NLRP5: variants seen among roughly 807,000 people sequenced by gnomAD.
NLRP5 encodes NACHT, LRR and PYD domains-containing protein 5.
In NLRP5, 93 loss-of-function variants were observed where a neutral mutation model predicts 113.1. The ratio of observed to expected loss-of-function variants is 0.82; its 90% CI spans 0.70 to 0.98. The LOEUF (loss-of-function observed/expected upper bound fraction) is 0.98. Among genes scored for constraint, NLRP5 ranks in the 50% least tolerant of loss-of-function variants. NLRP5 has a pLI of 0.00. For synonymous variants in NLRP5, 751 were observed against 600.7 expected, an observed-to-expected ratio of 1.25 and a Z score of -3.66; for missense variants, 1,808 against 1,514.3, an observed-to-expected ratio of 1.19 and a Z score of -3.22.
chr19:56,022,997 A>G (rs1390891920), intron 6 of NLRP5, among the ~76,000 whole-genome samples: 1 of 152,188 alleles, frequency 6.6e-6, no homozygotes, highest in Non-Finnish European at 1.5e-5. Context: ...AAGTGCTGGG[A>G]TTACAGGCGT....
intron 3 of NLRP5, among the ~76,000 whole-genome samples, chr19:56,015,387 G>T (rs1982365570): frequency 6.6e-6 from 1 of 152,060 alleles, no homozygotes; most frequent in African/African-American, 2.4e-5. Context: ...GTAGAGACGG[G>T]GTTTCACCAT....
chr19:56,007,891 G>GTGCA (rs1378365492), intron 2 of NLRP5, among the ~76,000 whole-genome samples: 1 of 39,762 alleles, frequency 2.5e-5, no homozygotes, highest in Admixed American at 3.0e-4. Context: ...GTGTGTGTGC[G>GTGCA]CGTGCGCGCG....
At chr19:56,043,863 C>CT (rs1343256581) in intron 11 of NLRP5, among the ~76,000 whole-genome samples, 1 of 151,300 alleles carries the variant, frequency 6.6e-6, no homozygotes, top group Non-Finnish European at 1.5e-5. Flanking sequence ...AGGCGTGAGC[C>CT]ACCACGCCTG....
At chr19:56,011,466 G>C (rs1297691453) in intron 3 of NLRP5, among the ~76,000 whole-genome samples, 1 of 152,012 alleles carries the variant, frequency 6.6e-6, no homozygotes, top group African/African-American at 2.4e-5. Flanking sequence ...ACTTTCAATG[G>C]GTGAATTGTA....
intron 3 of NLRP5, among the ~76,000 whole-genome samples, chr19:56,010,825 C>A (rs62120416): frequency 0.38 from 55,703 of 146,256 alleles, 10,863 homozygotes; most frequent in Admixed American, 0.42. Flanking sequence ...CAAATGTGGT[C>A]CATGTATACA....
At chr19:55,994,017 CTA>C in the NLRP5 span, among the ~76,000 whole-genome samples, 1 of 151,820 alleles carries the variant, frequency 6.6e-6, no homozygotes, top group African/African-American at 2.4e-5. Flanking sequence ...GGGTATTAAT[CTA>C]TTTTCAGTTC....
chr19:56,024,222 G>A (rs1982724152), intron 6 of NLRP5, among the ~76,000 whole-genome samples: 1 of 151,082 alleles, frequency 6.6e-6, no homozygotes, highest in East Asian at 1.9e-4. Flanking sequence ...TATCAGGTGG[G>A]CCGGGCACAG....
chr19:55,988,421 CATAAAT>C, the NLRP5 span: 1 of 104,776 alleles, frequency 9.5e-6, no homozygotes, highest in Admixed American at 1.1e-4. Context: ...TACATATACA[CATAAAT>C]ATATATATGT....
rs11301032 is a variant in NLRP5, at chr19:56,037,693, CAAAAAAAAAA to C, written c.2616-320_2616-311del. Among the ~76,000 whole-genome samples, 140 of 87,718 alleles carry C rather than the reference CAAAAAAAAAA, an allele frequency of 1.6e-3. 2 individuals are homozygous for C. Among genetic ancestry groups the C allele is most frequent in the African/African-American group, 5.5e-3 (128 of 23,082 alleles). 57.5% of individuals were successfully genotyped at this position (87,718 alleles called of 152,430 possible). ...GGGTGACAAGAGCAAGACCCTGTCT[CAAAAAAAAAA>C]AAAAAAAAAAATGTTGGCTGGGGTG... On this transcript the variant is annotated intron_variant, in intron 9 of 14. Coordinates refer to ENST00000390649, the MANE Select transcript of NLRP5 (RefSeq NM_153447.4).
chr19:56,028,113 A>AT lies in NLRP5; in HGVS notation c.1881dup (p.Ile628TyrfsTer50). 1 of 1,614,002 alleles carries AT rather than the reference A, an allele frequency of 6.2e-7. No individual in the cohort carries two copies. The highest frequency in any genetic ancestry group is 1.6e-4 in the Middle Eastern group (1 of 6,062). ...ATGGAGCTTAAACAGGCAGGCTTCC[A>AT]TATCCACTCGCTTTGGATGAAGCGT... On this transcript the variant is annotated frameshift_variant, in exon 7 of 15. Transcript: ENST00000390649. LOFTEE classifies it high-confidence loss of function.
At position 56,026,911 on chromosome 19, in the gene NLRP5, AG is replaced by A; in HGVS notation, c.680del. 1 of 1,549,304 alleles carries A rather than the reference AG, an allele frequency of 6.5e-7. No homozygotes were observed. The highest frequency in any genetic ancestry group is 8.7e-7 in the Non-Finnish European group (1 of 1,145,228). On this transcript the variant is annotated splice_acceptor_variant, in intron 6 of 14. Transcript: ENST00000390649. LOFTEE classifies it high-confidence loss of function. ...TTTTCATTCTACCCTCTCTGACTCC[AG>A]GACATGGAGGTGACACATGGGACTA...
chr19:56,021,902 C>A (rs780410528), intron 6 of NLRP5, among the ~76,000 whole-genome samples: 7 of 152,158 alleles, frequency 4.6e-5, no homozygotes, highest in Non-Finnish European at 1.0e-4. Flanking sequence ...ATTGCTCTCA[C>A]CTTTCTTCTG....
At chr19:55,992,269 T>C in the NLRP5 span, among the ~76,000 whole-genome samples, 6 of 152,204 alleles carry the variant, frequency 3.9e-5, no homozygotes, top group Non-Finnish European at 8.8e-5. Context: ...CAGTCTGTCC[T>C]TGATGGGCAT....
intron 6 of NLRP5, among the ~76,000 whole-genome samples, chr19:56,025,345 G>A (rs1474019395): frequency 2.0e-5 from 3 of 151,526 alleles, no homozygotes; most frequent in Non-Finnish European, 4.4e-5. Context: ...TAGAGCTTGG[G>A]TTCCAGGCGG....
At chr19:56,007,958 G>T (rs550859402) in intron 2 of NLRP5, among the ~76,000 whole-genome samples, 1 of 125,482 alleles carries the variant, frequency 8.0e-6, no homozygotes, top group Non-Finnish European at 1.8e-5. Context: ...TTGCTCTGTC[G>T]CCCAGGCTGG....
chr19:55,990,549 G>T, the NLRP5 span, among the ~76,000 whole-genome samples: 2 of 151,986 alleles, frequency 1.3e-5, no homozygotes, highest in African/African-American at 4.8e-5. Flanking sequence ...AAATTAGGCC[G>T]GGCACGGTGG....
At chr19:56,010,472 C>T (rs1014687951) in intron 3 of NLRP5, among the ~76,000 whole-genome samples, 11 of 151,904 alleles carry the variant, frequency 7.2e-5, no homozygotes, top group South Asian at 6.2e-4. Context: ...AGGCTGGGCG[C>T]GGTGGCTCAC....
intron 2 of NLRP5, among the ~76,000 whole-genome samples, chr19:56,006,604 C>T (rs1300733966): frequency 6.6e-6 from 1 of 151,894 alleles, no homozygotes; most frequent in Non-Finnish European, 1.5e-5. Flanking sequence ...TGGTGGCACA[C>T]ACCTGTAATC....
At chr19:56,035,002 G>T (rs1448754030) in intron 9 of NLRP5, among the ~76,000 whole-genome samples, 1 of 152,194 alleles carries the variant, frequency 6.6e-6, no homozygotes, top group African/African-American at 2.4e-5. Context: ...GCAGTGGCAT[G>T]ATCTCAGCTC....
Sources: gnomAD v4.1 joint callset for allele counts (sites outside exome capture counted in the v4.1 genomes callset) on GRCh38, gnomAD v4.1.1 for gene constraint, MANE v1.5 for transcripts, NCBI Gene and HGNC (gene_info 2026-07-23, HGNC 2026-07-21) for gene names.